Variants in FAM110B observed in about 807,000 individuals in gnomAD.
FAM110B encodes the protein family with sequence similarity 110 member B.
A neutral mutation model predicts 20.4 loss-of-function variants in FAM110B; 6 were observed. That is an observed-to-expected ratio of 0.29 (90% CI 0.16 to 0.58). The LOEUF (loss-of-function observed/expected upper bound fraction) is 0.58, where lower values mean the gene tolerates loss of function less well. Among genes scored for constraint, FAM110B ranks in the 20% least tolerant of loss-of-function variants. The probability of loss-of-function intolerance (pLI) is 0.90; values close to 1 mark genes in which losing one functional copy is unlikely to be tolerated. For synonymous variants in FAM110B, 226 were observed against 214.1 expected (o/e 1.06, Z -0.49); for missense variants, 434 against 498.2 (o/e 0.87, Z 1.23).
At chr8:58,113,294 C>G (rs1442060595) in intron 3 of FAM110B, 1 of 198,630 alleles carries the variant, frequency 5.0e-6, no homozygotes, top group Non-Finnish European at 1.1e-5. Flanking sequence ...GGTCTCTGTT[C>G]ACTTTCAGCC....
intron 2 of FAM110B, among the ~76,000 whole-genome samples, chr8:58,055,053 T>G (rs569593051): frequency 3.3e-5 from 5 of 152,258 alleles, no homozygotes; most frequent in African/African-American, 9.6e-5. Context: ...ACTGAAATAG[T>G]TATTCTTACC....
At chr8:58,003,038 C>T (rs1804330063) in intron 1 of FAM110B, among the ~76,000 whole-genome samples, 1 of 152,216 alleles carries the variant, frequency 6.6e-6, no homozygotes, top group Admixed American at 6.5e-5. Flanking sequence ...TGTAGTCAGT[C>T]TTCTCAAACC....
At chr8:58,006,914 TA>T (rs1804417573) in intron 1 of FAM110B, among the ~76,000 whole-genome samples, 1 of 107,256 alleles carries the variant, frequency 9.3e-6, no homozygotes, top group African/African-American at 3.5e-5. Flanking sequence ...TATATATATA[TA>T]TATATATATT....
chr8:57,997,017 G>A (rs900870813), intron 1 of FAM110B, among the ~76,000 whole-genome samples: 2 of 152,116 alleles, frequency 1.3e-5, no homozygotes, highest in South Asian at 4.1e-4. Context: ...CTTATTTCAT[G>A]TTCTCCTTTC....
At chr8:58,121,285 A>G (rs968703379) in intron 3 of FAM110B, among the ~76,000 whole-genome samples, 4 of 152,178 alleles carry the variant, frequency 2.6e-5, no homozygotes, top group Non-Finnish European at 1.5e-5. Flanking sequence ...GAACAACATA[A>G]TAATGCTTTT....
At chr8:58,047,610 C>CTCTCTCTCTCTCTCTCTCTCTT in intron 2 of FAM110B, among the ~76,000 whole-genome samples, 1 of 149,384 alleles carries the variant, frequency 6.7e-6, no homozygotes, top group Non-Finnish European at 1.5e-5. Context: ...CTCTCTCTCT[C>CTCTCTCTCTCTCTCTCTCTCTT]TCTCTCTCTC....
intron 1 of FAM110B, among the ~76,000 whole-genome samples, chr8:58,019,336 C>CAA (rs61622368): frequency 6.8e-4 from 53 of 78,368 alleles, no homozygotes; most frequent in Admixed American, 1.6e-3. Flanking sequence ...GACTCTGTCT[C>CAA]AAAAAAAAAA....
chr8:58,101,090 T>C (rs770921975), intron 3 of FAM110B: 7 of 151,442 alleles, frequency 4.6e-5, no homozygotes, highest in Admixed American at 6.6e-5. Flanking sequence ...GGCAGGAGAA[T>C]GGCGTAAACC....
At chr8:58,039,950 A>G (rs1217894740) in intron 2 of FAM110B, among the ~76,000 whole-genome samples, 1 of 152,022 alleles carries the variant, frequency 6.6e-6, no homozygotes, top group Admixed American at 6.5e-5. Flanking sequence ...TAATTTTTAA[A>G]TTTTGAATAT....
At position 58,146,742 on chromosome 8, in the gene FAM110B, G is replaced by A. The variant is rs750259825; in HGVS notation, c.512G>A (p.Arg171His). The stretch of plus-strand genomic sequence containing the variant: ...CTGAAGGTCTACCCCACGCAGGGCC[G>A]CAGGAGCCCGCAGGAGGGCGGCTCC... ...ESLKVYPTQG[R>H]RSPQEGGSHV... The change falls in exon 4 of 4, where the codon CGC (arginine) becomes CAC (histidine). Residue 171 changes from arginine (R) to histidine (H), a missense_variant. Around this residue, in one of 3 missense-constraint regions of FAM110B, gnomAD observed 284 missense variants for 278.3 expected, o/e 1.02. Transcript: ENST00000519262. 2.0e-5 allele frequency: 32 copies of A among 1,611,294 alleles called. No homozygotes were observed. The highest frequency in any genetic ancestry group is 3.3e-5 in the South Asian group (3 of 90,876).
intron 2 of FAM110B, chr8:58,070,159 G>A (rs1037123751): frequency 6.6e-6 from 1 of 152,322 alleles, no homozygotes; most frequent in Non-Finnish European, 1.5e-5. Context: ...ATTGGTTGGT[G>A]GCGTTGCTGC....
intron 3 of FAM110B, among the ~76,000 whole-genome samples, chr8:58,083,076 T>C (rs1333606983): frequency 6.6e-6 from 1 of 151,716 alleles, no homozygotes; most frequent in Non-Finnish European, 1.5e-5. Flanking sequence ...TTTTTGTACA[T>C]ATGAAGGAAA....
chr8:58,137,584 C>A (rs1803650058), intron 3 of FAM110B, among the ~76,000 whole-genome samples: 1 of 152,038 alleles, frequency 6.6e-6, no homozygotes, highest in African/African-American at 2.4e-5. Flanking sequence ...CTTACGTTTA[C>A]TGAACAATTT....
chr8:57,996,132 G>A (rs531632000), intron 1 of FAM110B, among the ~76,000 whole-genome samples: 2 of 152,292 alleles, frequency 1.3e-5, no homozygotes, highest in African/African-American at 2.4e-5. Context: ...TAGAATAAAG[G>A]TGAGTTAATG....
At chr8:58,128,440 C>G (rs907652326) in intron 3 of FAM110B, among the ~76,000 whole-genome samples, 2 of 152,086 alleles carry the variant, frequency 1.3e-5, no homozygotes, top group African/African-American at 4.8e-5. Flanking sequence ...TCACCAGCAC[C>G]CTGTGAGGCC....
chr8:58,043,877 G>C (rs1253963317), intron 2 of FAM110B, among the ~76,000 whole-genome samples: 2 of 152,192 alleles, frequency 1.3e-5, no homozygotes, highest in Non-Finnish European at 2.9e-5. Flanking sequence ...GGTCACACAA[G>C]CTAATAAAGT....
At chr8:58,091,106 CCAAA>C (rs1806466524) in intron 3 of FAM110B, among the ~76,000 whole-genome samples, 1 of 152,164 alleles carries the variant, frequency 6.6e-6, no homozygotes, top group South Asian at 2.1e-4. Flanking sequence ...CTTTAGTTAT[CCAAA>C]CAGTCTCTGT....
intron 1 of FAM110B, among the ~76,000 whole-genome samples, chr8:58,030,738 C>T (rs978890621): frequency 3.3e-5 from 5 of 152,130 alleles, no homozygotes; most frequent in African/African-American, 9.7e-5. Flanking sequence ...TAAACAAAGA[C>T]GCAGTCATTT....
chr8:58,000,133 T>C (rs1051486101), intron 1 of FAM110B, among the ~76,000 whole-genome samples: 1 of 152,244 alleles, frequency 6.6e-6, no homozygotes, highest in African/African-American at 2.4e-5. Context: ...GCATTGAGGA[T>C]GGCCCATGCA....
Sources: allele counts gnomAD v4.1 joint callset (sites outside exome capture counted in the v4.1 genomes callset), GRCh38; gene constraint gnomAD v4.1.1; regional missense constraint gnomAD v4.1.1; transcripts MANE v1.5; gene names NCBI Gene and HGNC (gene_info 2026-07-23, HGNC 2026-07-21).